Variants in HMGCLL1 observed in about 807,000 individuals in gnomAD.
HMGCLL1 encodes the protein 3-hydroxymethyl-3-methylglutaryl-CoA lyase, cytoplasmic.
Under a neutral mutation model 39.1 loss-of-function variants are expected in HMGCLL1, and 36 were observed. That is an observed-to-expected ratio of 0.92 (90% confidence interval 0.71 to 1.22). The LOEUF is 1.22. Ranked by LOEUF, HMGCLL1 falls within the 50% of genes most tolerant of loss-of-function variation. The pLI, the probability that HMGCLL1 is intolerant of heterozygous loss-of-function variation, is 0.00. For synonymous variants in HMGCLL1, 149 were observed against 144.0 expected (o/e 1.03, Z -0.25); for missense variants, 451 against 416.5 (o/e 1.08, Z -0.72).
chr6:55,578,864 G>A, intron 1 of HMGCLL1, 84 bp downstream of exon 1: 4 of 958,508 alleles, frequency 4.2e-6, no homozygotes, highest in South Asian at 4.1e-5. Context: ...ATAAAGGGAG[G>A]AGGGCACCAA....
At chr6:55,570,577 T>G (rs1403084114) in intron 1 of HMGCLL1, among the ~76,000 whole-genome samples, 1 of 152,244 alleles carries the variant, frequency 6.6e-6, no homozygotes, top group Non-Finnish European at 1.5e-5. Context: ...CCATTAGAAC[T>G]TATTTCACCA....
the HMGCLL1 span, among the ~76,000 whole-genome samples, chr6:55,627,695 A>G: frequency 1.9e-5 from 2 of 107,724 alleles, no homozygotes; most frequent in African/African-American, 3.0e-5. Flanking sequence ...GAAAATCCAG[A>G]AAAGGAGACA....
the HMGCLL1 span, among the ~76,000 whole-genome samples, chr6:55,651,142 G>GTGC: frequency 1.3e-5 from 2 of 152,080 alleles, no homozygotes; most frequent in Non-Finnish European, 2.9e-5. Context: ...ACCTGCAAAT[G>GTGC]TGCTGGGTCT....
the HMGCLL1 span, among the ~76,000 whole-genome samples, chr6:55,637,934 C>A: frequency 4.0e-3 from 602 of 152,022 alleles, 3 homozygotes; most frequent in Non-Finnish European, 7.3e-3. Flanking sequence ...ACAATGGATG[C>A]CCAAAACATA....
At chr6:55,642,085 AGT>A in the HMGCLL1 span, among the ~76,000 whole-genome samples, 1 of 102,144 alleles carries the variant, frequency 9.8e-6, no homozygotes, top group Non-Finnish European at 1.9e-5. Context: ...CAGTCCCCAG[AGT>A]GTGATATTCC....
At chr6:55,486,101 ATGTG>A (rs570744536) in intron 7 of HMGCLL1, among the ~76,000 whole-genome samples, 3 of 148,628 alleles carry the variant, frequency 2.0e-5, no homozygotes, top group African/African-American at 7.4e-5. Flanking sequence ...CACAATATGT[ATGTG>A]TGTGTGTGTA....
chr6:55,621,357 T>A, the HMGCLL1 span, among the ~76,000 whole-genome samples: 4 of 152,226 alleles, frequency 2.6e-5, no homozygotes, highest in African/African-American at 9.6e-5. Flanking sequence ...AGCCATGGCC[T>A]GTTAGAAACT....
chr6:55,530,198 A>G (rs1757874634), intron 3 of HMGCLL1, among the ~76,000 whole-genome samples: 1 of 152,130 alleles, frequency 6.6e-6, no homozygotes, highest in Non-Finnish European at 1.5e-5. Flanking sequence ...ATTTATAAAT[A>G]GATTACACAT....
At chr6:55,654,602 A>G in the HMGCLL1 span, among the ~76,000 whole-genome samples, 1 of 151,828 alleles carries the variant, frequency 6.6e-6, no homozygotes, top group Non-Finnish European at 1.5e-5. Context: ...TGATATATTC[A>G]ATAGCATAGC....
intron 3 of HMGCLL1, among the ~76,000 whole-genome samples, chr6:55,520,991 A>T (rs1203038943): frequency 6.6e-6 from 1 of 152,130 alleles, no homozygotes; most frequent in African/African-American, 2.4e-5. Flanking sequence ...TTTTCAAGAT[A>T]TGCAAAGCAT....
intron 7 of HMGCLL1, among the ~76,000 whole-genome samples, chr6:55,490,211 G>C (rs1423019281): frequency 2.6e-5 from 4 of 151,998 alleles, no homozygotes; most frequent in Non-Finnish European, 5.9e-5. Context: ...GAGTTTCCTT[G>C]GTCCAGTGAG....
chr6:55,500,636 G>C lies in HMGCLL1; in HGVS notation c.543-1337C>G, dbSNP rs549195465. Among the ~76,000 whole-genome samples, 8 of 152,022 alleles carry C rather than the reference G, an allele frequency of 5.3e-5. No individual in the cohort carries two copies. In the East Asian group the frequency reaches 1.6e-3, roughly 29 times the overall value. ...AAAGGATAAAAGAGGATAAATTCAAGTAAAATTGGAAAGTTATGCCAGACA... is the reference window on the plus strand; with the variant it reads ...AAAGGATAAAAGAGGATAAATTCAACTAAAATTGGAAAGTTATGCCAGACA... On this transcript the variant is annotated intron_variant, in intron 5 of 8. Transcript: ENST00000274901.
chr6:55,628,154 A>T, the HMGCLL1 span, among the ~76,000 whole-genome samples: 1 of 6,616 alleles, frequency 1.5e-4, no homozygotes, highest in Non-Finnish European at 2.8e-4. Context: ...CTATATATAT[A>T]ATATATATAT....
chr6:55,647,772 T>TA, the HMGCLL1 span, among the ~76,000 whole-genome samples: 1 of 132,156 alleles, frequency 7.6e-6, no homozygotes, highest in African/African-American at 2.9e-5. Context: ...TTATTTTATT[T>TA]TTTTTTTTTA....
chr6:55,461,118 T>C (rs1242077607), intron 7 of HMGCLL1, among the ~76,000 whole-genome samples: 1 of 152,010 alleles, frequency 6.6e-6, no homozygotes, highest in African/African-American at 2.4e-5. Context: ...ATAGCATCTA[T>C]TTTGGAGTGC....
chr6:55,668,943 C>A, the HMGCLL1 span, among the ~76,000 whole-genome samples: 1 of 151,634 alleles, frequency 6.6e-6, no homozygotes, highest in Non-Finnish European at 1.5e-5. Flanking sequence ...AGAGCTGTGT[C>A]TTCAAAAGGG....
the HMGCLL1 span, among the ~76,000 whole-genome samples, chr6:55,664,973 C>T: frequency 3.4e-4 from 51 of 151,602 alleles, no homozygotes; most frequent in Non-Finnish European, 1.2e-4. Flanking sequence ...AATTCATGGT[C>T]TCTTTATGAA....
the HMGCLL1 span, among the ~76,000 whole-genome samples, chr6:55,633,509 G>A: frequency 6.6e-6 from 1 of 151,450 alleles, no homozygotes; most frequent in African/African-American, 2.4e-5. Context: ...GCAGAAGGTA[G>A]ACATATGAAA....
At chr6:55,446,793 A>G (rs1401322374) in intron 7 of HMGCLL1, among the ~76,000 whole-genome samples, 8 of 152,090 alleles carry the variant, frequency 5.3e-5, no homozygotes, top group Middle Eastern at 3.4e-3. Context: ...TCTAATCTAT[A>G]TATTCATGTT....
Sources: gnomAD v4.1 joint callset for allele counts (sites outside exome capture counted in the v4.1 genomes callset) on GRCh38, gnomAD v4.1.1 for gene constraint, MANE v1.5 for transcripts, NCBI Gene and HGNC (gene_info 2026-07-23, HGNC 2026-07-21) for gene names.